Variants in EML6 observed in about 807,000 individuals in gnomAD.
The protein encoded by EML6 is echinoderm microtubule-associated protein-like 6.
A neutral mutation model predicts 240.1 loss-of-function variants in EML6; 154 were observed. The ratio of observed to expected loss-of-function variants is 0.64; its 90% confidence interval spans 0.56 to 0.73. EML6 has a LOEUF of 0.73. Among genes scored for constraint, EML6 ranks in the 30% least tolerant of loss-of-function variants. The pLI, the probability that EML6 is intolerant of heterozygous loss-of-function variation, is 0.00. For synonymous variants in EML6, 1,148 were observed against 899.0 expected, an observed-to-expected ratio of 1.28 and a Z score of -4.95; for missense variants, 2,964 against 2,474.6, an observed-to-expected ratio of 1.20 and a Z score of -4.20.
chr2:54,896,779 T>A (rs1205949627), intron 21 of EML6, among the ~76,000 whole-genome samples: 3 of 152,164 alleles, frequency 2.0e-5, no homozygotes, highest in Admixed American at 2.0e-4. Flanking sequence ...TACTGTATCA[T>A]GGAAACACAT....
intron 13 of EML6, among the ~76,000 whole-genome samples, chr2:54,866,373 G>T (rs1289837954): frequency 1.3e-5 from 2 of 152,202 alleles, no homozygotes; most frequent in Non-Finnish European, 2.9e-5. Flanking sequence ...TGATTCCAAA[G>T]AGGGATTTCA....
Position 54,869,179 on chromosome 2 carries a change from A to G in EML6, c.2052-2A>G. ...TATGCATTTCTTGGACCTGTGCTTCAGTTATAGAGGCTACGACTGTAGAAA... is the reference window on the plus strand; with the variant it reads ...TATGCATTTCTTGGACCTGTGCTTCGGTTATAGAGGCTACGACTGTAGAAA... On this transcript the variant is annotated splice_acceptor_variant, in intron 14 of 41. Transcript: ENST00000356458. LOFTEE classifies it high-confidence loss of function. 1 of 1,543,330 alleles carries G rather than the reference A, an allele frequency of 6.5e-7. No individual in the cohort carries two copies. The highest frequency in any genetic ancestry group is 8.8e-7 in the Non-Finnish European group (1 of 1,140,784).
intron 2 of EML6, among the ~76,000 whole-genome samples, chr2:54,779,687 C>T (rs1307595496): frequency 6.6e-6 from 1 of 151,366 alleles, no homozygotes; most frequent in Non-Finnish European, 1.5e-5. Flanking sequence ...CATGGCAAAA[C>T]ACCATCTTTA....
chr2:54,777,737 C>T (rs942548433), intron 2 of EML6, among the ~76,000 whole-genome samples: 53 of 152,142 alleles, frequency 3.5e-4, no homozygotes, highest in Non-Finnish European at 5.9e-5. Flanking sequence ...GAGCCCTTTC[C>T]ATGGCTGGGT....
rs1572824161 is a variant in EML6 at position 54,725,291 on chromosome 2, T to C, written c.197+33T>C. On this transcript the variant is annotated intron_variant, in intron 2 of 41. Coordinates refer to ENST00000356458, the MANE Select transcript of EML6 (RefSeq NM_001039753.4). The surrounding 1 kb of genome is among the most constrained non-coding windows in gnomAD (Gnocchi z 4.3). ...GGTGGCCAGGGGCGGCGGGGAGGGG[T>C]TGCGTGTGGAGGCTGGGAAGGTGGG... The C allele has an allele frequency of 7.2e-7, 1 of 1,380,018 alleles. No individual in the cohort carries two copies. Among genetic ancestry groups the C allele is most frequent in the East Asian group, 3.1e-5 (1 of 32,674 alleles). 85.5% of individuals were successfully genotyped at this position (1,380,018 alleles called of 1,614,324 possible).
intron 7 of EML6, 39 bp downstream of exon 7, chr2:54,829,516 G>A: frequency 6.7e-7 from 1 of 1,486,902 alleles, no homozygotes; most frequent in Non-Finnish European, 9.1e-7. Context: ...CTCTGGATGT[G>A]AAATATAATG....
At chr2:54,875,297 A>G (rs983446138) in intron 16 of EML6, among the ~76,000 whole-genome samples, 1 of 152,242 alleles carries the variant, frequency 6.6e-6, no homozygotes, top group African/African-American at 2.4e-5. Flanking sequence ...AACTGATAGA[A>G]AAGTGAGTAG....
intron 17 of EML6, among the ~76,000 whole-genome samples, chr2:54,883,840 G>C (rs769539590): frequency 1.5e-4 from 23 of 152,130 alleles, no homozygotes; most frequent in Non-Finnish European, 7.4e-5. Flanking sequence ...ATTGACATTA[G>C]CTAAACATTT....
chr2:54,920,041 T>C (rs1674139881), intron 26 of EML6, among the ~76,000 whole-genome samples: 1 of 152,224 alleles, frequency 6.6e-6, no homozygotes, highest in South Asian at 2.1e-4. Flanking sequence ...ACCTAAATTC[T>C]GTAATTTAAA....
intron 16 of EML6, among the ~76,000 whole-genome samples, chr2:54,877,583 G>A (rs943076161): frequency 6.6e-6 from 1 of 152,092 alleles, no homozygotes; most frequent in Admixed American, 6.5e-5. Context: ...AAGTAATGTT[G>A]GTAATGAATA....
intron 12 of EML6, 65 bp from the exon 13 acceptor site, chr2:54,863,718 A>G: frequency 1.3e-6 from 1 of 770,274 alleles, no homozygotes; most frequent in East Asian, 2.7e-5. Context: ...AAAATATTTT[A>G]GATAATTTCA....
At chr2:54,819,659 C>G (rs1000831116) in intron 4 of EML6, among the ~76,000 whole-genome samples, 1 of 151,622 alleles carries the variant, frequency 6.6e-6, no homozygotes, top group Admixed American at 6.6e-5. Flanking sequence ...GCCTGTAGTC[C>G]CAGCTACTCG....
At chr2:54,888,632 G>C (rs753853727) in intron 17 of EML6, among the ~76,000 whole-genome samples, 11 of 152,066 alleles carry the variant, frequency 7.2e-5, no homozygotes, top group Admixed American at 1.3e-4. Context: ...AGTCTTTTCT[G>C]ATTGGCTTCT....
rs1449234578 is a variant in EML6, at chr2:54,869,293, C to T, written c.2164C>T (p.Leu722=). The T allele has an allele frequency of 1.9e-6, 3 of 1,551,638 alleles. No individual in the cohort carries two copies. The highest frequency in any genetic ancestry group is 1.7e-6 in the Non-Finnish European group (2 of 1,146,972). The change falls in exon 15 of 42, where the codon CTG becomes TTG. Residue 722 remains leucine (L), a synonymous_variant. Transcript: ENST00000356458. ...TAATCGGCAGCAGCACTCCCAGAGGCTGTACCTGGGGCACGATGACGACAT... is the reference window on the plus strand; with the variant it reads ...TAATCGGCAGCAGCACTCCCAGAGGTTGTACCTGGGGCACGATGACGACAT... The part of the protein sequence containing the change: ...VYNRQQHSQR[L]YLGHDDDILS...
At chr2:54,836,225 T>C (rs1284242745) in intron 7 of EML6, among the ~76,000 whole-genome samples, 3 of 152,306 alleles carry the variant, frequency 2.0e-5, no homozygotes, top group South Asian at 4.1e-4. Context: ...TGGCTTGTAG[T>C]AATTCCTCTG....
At chr2:54,944,712 T>A (rs1401510948) in intron 28 of EML6, among the ~76,000 whole-genome samples, 4 of 152,110 alleles carry the variant, frequency 2.6e-5, no homozygotes, top group Non-Finnish European at 5.9e-5. Context: ...TAGGCTTCTT[T>A]CAGGACATCC....
At chr2:54,851,587 T>C (rs1015641888) in intron 10 of EML6, among the ~76,000 whole-genome samples, 7 of 152,240 alleles carry the variant, frequency 4.6e-5, no homozygotes, top group Non-Finnish European at 1.5e-5. Flanking sequence ...AAGTATTTCA[T>C]AGTTTTTTAA....
Position 54,891,142 on chromosome 2 carries a change from T to G in EML6, c.2527T>G (p.Trp843Gly). Residue 843 changes from tryptophan to glycine, a missense_variant, in exon 18 of 42, where the codon TGG becomes GGG. Trp to Gly is a radical substitution (Grantham distance 184, BLOSUM62 -2). Transcript: ENST00000356458. ...AGTTGGGATAAAACACATCAAATTC[T>G]GGCAACAAGCAGGTACTGTCGTTTG... ...VTVGIKHIKF[W>G]QQAGGGFTSK... 6.8e-7 allele frequency: 1 copy of G among 1,472,922 alleles called. No individual in the cohort carries two copies. The highest frequency in any genetic ancestry group is 9.2e-7 in the Non-Finnish European group (1 of 1,088,808). The allele number at this position is 1,472,922 out of a possible 1,614,324, so 91.2% of individuals were successfully genotyped here.
intron 5 of EML6, among the ~76,000 whole-genome samples, chr2:54,823,781 T>G (rs1366031194): frequency 6.6e-6 from 1 of 151,888 alleles, no homozygotes; most frequent in Non-Finnish European, 1.5e-5. Context: ...GATTTGTGAT[T>G]GTTTCCCTCT....
Sources: gnomAD v4.1 joint callset for allele counts (sites outside exome capture counted in the v4.1 genomes callset) on GRCh38, gnomAD v4.1.1 for gene constraint, Gnocchi (gnomAD v3.1) non-coding constraint, MANE v1.5 for transcripts, NCBI Gene and HGNC (gene_info 2026-07-23, HGNC 2026-07-21) for gene names.